SLC12A1: variants seen among roughly 807,000 people sequenced by gnomAD.
SLC12A1 encodes the protein solute carrier family 12 member 1, also known as Na-K-2Cl cotransporter.
A neutral mutation model predicts 130.4 loss-of-function variants in SLC12A1; 89 were observed. The observed-to-expected ratio is 0.68, with a 90% CI of 0.58 to 0.81. The LOEUF (loss-of-function observed/expected upper bound fraction) is 0.81, where lower values mean the gene tolerates loss of function less well. SLC12A1 is among the 40% of genes least tolerant of loss of function. SLC12A1 has a pLI of 0.00. For synonymous variants in SLC12A1, 499 were observed against 460.0 expected (o/e 1.08, Z -1.09); for missense variants, 1,310 against 1,336.4 (o/e 0.98, Z 0.31).
At position 48,207,777 on chromosome 15, in the gene SLC12A1, C is replaced by A; in HGVS notation, c.58C>A (p.Arg20Ser). The A allele has an allele frequency of 6.2e-7, 1 of 1,612,226 alleles. No individual in the cohort carries two copies. The highest frequency in any genetic ancestry group is 1.1e-5 in the South Asian group (1 of 90,618). The change falls in exon 2 of 27, where the codon CGC becomes AGC. Residue 20 changes from arginine to serine, a missense_variant. Coordinates refer to ENST00000380993, the MANE Select transcript of SLC12A1 (RefSeq NM_000338.3). ...GGATTCAGTGCCCAGTAATACCAAT[C>A]GCTTTCAAGTTAGTGTCATAAATGA... ...FLDSVPSNTN[R>S]FQVSVINENH...
intron 7 of SLC12A1, 78 bp downstream of exon 7, chr15:48,230,581 T>C: frequency 2.3e-6 from 2 of 878,280 alleles, no homozygotes; most frequent in Middle Eastern, 2.2e-4. Context: ...GGGAACTCCA[T>C]ATTCAAAAGG....
intron 5 of SLC12A1, 132 bp downstream of exon 5, chr15:48,226,703 T>C (rs1402717078): frequency 1.5e-6 from 1 of 676,352 alleles, no homozygotes; most frequent in African/African-American, 1.8e-5. Context: ...AGGAGCTGGA[T>C]GCCAAAGAAA....
intron 20 of SLC12A1, among the ~76,000 whole-genome samples, chr15:48,281,326 C>T (rs1291633897): frequency 3.3e-5 from 5 of 152,082 alleles, no homozygotes; most frequent in African/African-American, 1.2e-4. Flanking sequence ...TGAAAAATGG[C>T]GTAAGTTCTG....
At chr15:48,292,252 A>G (rs1217156158) in intron 24 of SLC12A1, among the ~76,000 whole-genome samples, 1 of 152,182 alleles carries the variant, frequency 6.6e-6, no homozygotes, top group African/African-American at 2.4e-5. Flanking sequence ...GCTCTGATGG[A>G]GAATATATGG....
At chr15:48,232,881 A>C in intron 8 of SLC12A1, 43 bp downstream of exon 8, 1 of 1,163,766 alleles carries the variant, frequency 8.6e-7, no homozygotes, top group Non-Finnish European at 1.3e-6. Flanking sequence ...ATACTTCTCC[A>C]TTGCCCTCCT....
intron 2 of SLC12A1, among the ~76,000 whole-genome samples, chr15:48,215,002 A>G (rs185007779): frequency 5.9e-5 from 9 of 152,176 alleles, no homozygotes; most frequent in African/African-American, 2.2e-4. Context: ...AAAATTCAAA[A>G]GAATGTATAA....
rs371578968 is a variant in SLC12A1, at chr15:48,281,024, G to A, written c.2486-4082G>A. ...CCTGTTGGTGCAAACATGGGTCCAG[G>A]TAATAAACGGGAGGGGTGGCAGCAT... On this transcript the variant is annotated intron_variant, in intron 20 of 26. Transcript: ENST00000380993. Among the ~76,000 whole-genome samples the A allele has an allele frequency of 4.6e-5, 7 of 152,246 alleles. No individual in the cohort carries two copies. The East Asian group carries it at 1.2e-3, about 25-fold the overall frequency.
intron 19 of SLC12A1, among the ~76,000 whole-genome samples, chr15:48,273,114 A>AAC (rs1555385474): frequency 1.4e-5 from 2 of 143,964 alleles, no homozygotes; most frequent in African/African-American, 5.9e-5. Context: ...AAAAAAAAAA[A>AAC]AAAAAACCTA....
At chr15:48,222,379 G>C (rs1287276384) in intron 4 of SLC12A1, 1 of 152,082 alleles carries the variant, frequency 6.6e-6, no homozygotes, top group Non-Finnish European at 1.5e-5. Context: ...AGTCAACCCA[G>C]TATTGAGTTT....
intron 26 of SLC12A1, 31 bp downstream of exon 26, chr15:48,301,413 T>G (rs376609386): frequency 1.5e-5 from 22 of 1,452,136 alleles, no homozygotes; most frequent in Non-Finnish European, 2.1e-5. Flanking sequence ...TGAAGAACAT[T>G]AGAAATAAAT....
chr15:48,222,891 TTGGGTAACCATTC>T (rs1401856514), intron 4 of SLC12A1: 5 of 152,238 alleles, frequency 3.3e-5, no homozygotes, highest in Non-Finnish European at 7.3e-5. Context: ...GCTACAGCCC[TTGGGTAACCATTC>T]TGGGCTACGA....
In SLC12A1 at chr15:48,288,141, A is replaced by G; in HGVS notation, c.2728A>G (p.Thr910Ala). The change falls in exon 22 of 27, where the codon ACA becomes GCA. Residue 910 changes from threonine (T) to alanine (A), a missense_variant. Physicochemically the swap from Thr to Ala is moderately conservative, Grantham distance 58. Transcript: ENST00000380993. ...ATTTAAAAAGAAACAAGAAAAAGGC[A>G]CAATTGATGTTTGGTGGTTGTTTGA... ...TQFKKKQEKG[T>A]IDVWWLFDDG... is the part of the protein sequence containing the mutation. 6.2e-7 allele frequency: 1 copy of G among 1,610,074 alleles called. No individual in the cohort carries two copies. The highest frequency in any genetic ancestry group is 8.5e-7 in the Non-Finnish European group (1 of 1,178,154).
rs1321878316 is a variant in SLC12A1, at chr15:48,303,071, G to T, written c.*186G>T. On this transcript the variant is annotated 3_prime_UTR_variant, in exon 27 of 27. Transcript: ENST00000380993. ...GCTTTTTTTTCTCTTCTCAGCTTAAGGGGTTGTCAAAGCCAATGTTATCCC... is the reference window on the plus strand; with the variant it reads ...GCTTTTTTTTCTCTTCTCAGCTTAATGGGTTGTCAAAGCCAATGTTATCCC... 1 of 442,194 alleles carries T rather than the reference G, an allele frequency of 2.3e-6. No homozygotes were observed. The highest frequency in any genetic ancestry group is 3.5e-5 in the East Asian group (1 of 28,262). The allele number at this position is 442,194 out of a possible 1,614,324, so 27.4% of individuals were successfully genotyped here.
chr15:48,239,931 G>A (rs943800334), intron 9 of SLC12A1, among the ~76,000 whole-genome samples: 6 of 150,908 alleles, frequency 4.0e-5, no homozygotes, highest in South Asian at 2.1e-4. Flanking sequence ...GATTACAGGC[G>A]TGAGCCACTG....
At chr15:48,283,841 C>CT (rs770032427) in intron 20 of SLC12A1, among the ~76,000 whole-genome samples, 2 of 152,130 alleles carry the variant, frequency 1.3e-5, no homozygotes, top group Non-Finnish European at 2.9e-5. Context: ...ATGAGGGCAT[C>CT]TGACAAGAGT....
At chr15:48,299,041 T>G in intron 24 of SLC12A1, 99 bp from the exon 25 acceptor site, 1 of 1,037,644 alleles carries the variant, frequency 9.6e-7, no homozygotes, top group South Asian at 1.5e-5. Context: ...GATATTCAGC[T>G]CTGATTCCAC....
Position 48,246,899 on chromosome 15 carries a change from T to C in SLC12A1, c.1453-10T>C, listed in dbSNP as rs762662402. On this transcript the variant is annotated splice_polypyrimidine_tract_variant and intron_variant, in intron 11 of 26. Transcript: ENST00000380993. Reference sequence around the variant, plus strand: ...CAGAAAGTCTCCTTACTTGTACCTCTCTTCTCAAGGTCATGAGCATGGTAT... The same window carrying C: ...CAGAAAGTCTCCTTACTTGTACCTCCCTTCTCAAGGTCATGAGCATGGTAT... 3 of 1,600,610 alleles carry C rather than the reference T, an allele frequency of 1.9e-6. No individual in the cohort carries two copies. Among genetic ancestry groups the C allele is most frequent in the Non-Finnish European group, 2.6e-6 (3 of 1,167,806 alleles).
chr15:48,252,135 G>A (rs928197511), intron 15 of SLC12A1, among the ~76,000 whole-genome samples: 9 of 151,028 alleles, frequency 6.0e-5, no homozygotes, highest in Non-Finnish European at 1.0e-4. Flanking sequence ...ACCGGAAGGC[G>A]GAGGTTGCAG....
intron 6 of SLC12A1, among the ~76,000 whole-genome samples, chr15:48,229,936 C>G (rs527515247): frequency 6.6e-6 from 1 of 152,144 alleles, no homozygotes; most frequent in African/African-American, 2.4e-5. Flanking sequence ...AATGAGCTTA[C>G]AGTTCACAAG....
Sources: allele counts gnomAD v4.1 joint callset (sites outside exome capture counted in the v4.1 genomes callset), GRCh38; gene constraint gnomAD v4.1.1; transcripts MANE v1.5; gene names NCBI Gene and HGNC (gene_info 2026-07-23, HGNC 2026-07-21).